The following ST8SIA6 variants were observed in gnomAD, a reference collection of about 807,000 sequenced individuals.
ST8SIA6 encodes alpha-2,8-sialyltransferase 8F.
A neutral mutation model predicts 33.6 loss-of-function variants in ST8SIA6; 39 were observed. The observed-to-expected ratio is 1.16, with a 90% CI of 0.90 to 1.52. ST8SIA6 has a LOEUF of 1.52. Among genes scored for constraint, ST8SIA6 ranks in the 40% most tolerant of loss-of-function variants. The pLI, the probability that ST8SIA6 is intolerant of heterozygous loss-of-function variation, is 0.00. For synonymous variants in ST8SIA6, 172 were observed against 167.2 expected, an observed-to-expected ratio of 1.03 and a Z score of -0.22; for missense variants, 441 against 443.8, an observed-to-expected ratio of 0.99 and a Z score of 0.06.
intron 4 of ST8SIA6, among the ~76,000 whole-genome samples, chr10:17,337,162 G>A (rs866851406): frequency 8.2e-6 from 1 of 121,494 alleles, no homozygotes; most frequent in East Asian, 1.9e-4. Context: ...CTCTTCCTCC[G>A]GCCGTTTAAG....
At chr10:17,408,778 G>A (rs1358551353) in intron 2 of ST8SIA6, among the ~76,000 whole-genome samples, 10 of 151,504 alleles carry the variant, frequency 6.6e-5, no homozygotes, top group Middle Eastern at 3.2e-3. Flanking sequence ...TTTTTGAGAC[G>A]GAGTTTCGCT....
At position 17,315,436 on chromosome 10, in the gene ST8SIA6, C is replaced by T. The variant is rs887117265; in HGVS notation, c.*5442G>A. On this transcript the variant is annotated 3_prime_UTR_variant, in exon 8 of 8. Transcript: ENST00000377602. ...GACTTGCACATTAATGTTCATGATA[C>T]CTTTATTTGTAATAGCCAAAACCAG... Among the ~76,000 whole-genome samples the T allele has an allele frequency of 1.3e-5, 2 of 151,888 alleles. No individual in the cohort carries two copies. The highest frequency in any genetic ancestry group is 6.6e-5 in the Admixed American group (1 of 15,230).
chr10:17,452,668 G>A (rs1852956866), intron 2 of ST8SIA6, among the ~76,000 whole-genome samples: 1 of 152,030 alleles, frequency 6.6e-6, no homozygotes, highest in Non-Finnish European at 1.5e-5. Flanking sequence ...ATTACTGATG[G>A]CAAACAAAAT....
chr10:17,331,618 G>T (rs2120716), intron 4 of ST8SIA6, 66 bp from the exon 5 acceptor site: 55 of 1,493,564 alleles, frequency 3.7e-5, no homozygotes, highest in Middle Eastern at 1.7e-4. Context: ...TGCAGACCAC[G>T]ATGGACAATG....
At chr10:17,428,709 T>A (rs1441826012) in intron 2 of ST8SIA6, among the ~76,000 whole-genome samples, 1 of 151,954 alleles carries the variant, frequency 6.6e-6, no homozygotes, top group Non-Finnish European at 1.5e-5. Context: ...TGTGTCTGAA[T>A]TGATAGAAAA....
Position 17,327,125 on chromosome 10 carries a change from G to A in ST8SIA6, c.524C>T (p.Ser175Phe). The change falls in exon 6 of 8, where the codon TCC becomes TTC. Residue 175 changes from serine (S) to phenylalanine (F), a missense_variant and splice_region_variant. Ser to Phe is a radical substitution (Grantham distance 155). Transcript: ENST00000377602. Reference sequence around the variant, plus strand: ...ATAAGGGTAGTCCACAAAAGGCTGGGACTAGCAGGAGAAAGTGGAAAACTA... The same window carrying A: ...ATAAGGGTAGTCCACAAAAGGCTGGAACTAGCAGGAGAAAGTGGAAAACTA... ...KKNIFHMFPV[S>F]QPFVDYPYNQ... is the part of the protein sequence containing the mutation. The A allele has an allele frequency of 6.3e-7, 1 of 1,592,418 alleles. No individual in the cohort carries two copies. Among genetic ancestry groups the A allele is most frequent in the Non-Finnish European group, 8.5e-7 (1 of 1,171,926 alleles).
intron 4 of ST8SIA6, among the ~76,000 whole-genome samples, chr10:17,344,813 A>G (rs1340279870): frequency 6.6e-6 from 1 of 152,184 alleles, no homozygotes; most frequent in Admixed American, 6.5e-5. Flanking sequence ...GCAGGTTGGA[A>G]ACTGGAGTGC....
In ST8SIA6 at chr10:17,323,130, A is replaced by C; in HGVS notation, c.663T>G (p.Asp221Glu). 6.2e-7 allele frequency: 1 copy of C among 1,613,790 alleles called. No individual in the cohort carries two copies. ...TTTTACTGCCAACATCTTTACTAAC[A>C]TCTCCTGTGGTTGGGGGTAGGTTAC... ...FRCNLPPTTG[D>E]VSKDVGSKTN... The change falls in exon 7 of 8, where the codon GAT (aspartate) becomes GAG (glutamate). Residue 221 changes from aspartate to glutamate, a missense_variant. Coordinates refer to ENST00000377602, the MANE Select transcript of ST8SIA6 (RefSeq NM_001004470.3).
intron 4 of ST8SIA6, among the ~76,000 whole-genome samples, chr10:17,359,255 A>G (rs1849303693): frequency 6.6e-6 from 1 of 152,224 alleles, no homozygotes; most frequent in Admixed American, 6.5e-5. Context: ...CTTCTAAAAT[A>G]TAACTTACAA....
At chr10:17,401,489 A>G (rs1162687920) in intron 2 of ST8SIA6, among the ~76,000 whole-genome samples, 1 of 152,228 alleles carries the variant, frequency 6.6e-6, no homozygotes, top group Non-Finnish European at 1.5e-5. Context: ...CCTAAGCCAA[A>G]AGAACAAAGC....
intron 3 of ST8SIA6, among the ~76,000 whole-genome samples, chr10:17,381,817 A>G (rs1337689914): frequency 2.0e-5 from 3 of 152,254 alleles, no homozygotes; most frequent in African/African-American, 7.2e-5. Context: ...CAAATTTAGT[A>G]AGATTATCAT....
chr10:17,447,789 A>G lies in ST8SIA6; in HGVS notation c.200+5770T>C, dbSNP rs558872895. Among the ~76,000 whole-genome samples the G allele has an allele frequency of 2.0e-5, 3 of 152,274 alleles. No individual in the cohort carries two copies. The South Asian group carries it at 6.2e-4, about 32-fold the overall frequency. On this transcript the variant is annotated intron_variant, in intron 2 of 7. Transcript: ENST00000377602. ...TGCCACATGACCCCAAAAACTATGT[A>G]GATTAATTTAACTAATATTAAAATT...
At chr10:17,351,566 T>A (rs1013383066) in intron 4 of ST8SIA6, among the ~76,000 whole-genome samples, 2 of 147,942 alleles carry the variant, frequency 1.4e-5, no homozygotes, top group African/African-American at 2.5e-5. Context: ...CCAAAGGAAA[T>A]GAAATCAATA....
chr10:17,332,615 C>T (rs1273122367), intron 4 of ST8SIA6, among the ~76,000 whole-genome samples: 1 of 152,022 alleles, frequency 6.6e-6, no homozygotes, highest in Non-Finnish European at 1.5e-5. Flanking sequence ...CAAGTGTGCA[C>T]CACCTATGCC....
chr10:17,323,132 C>T lies in ST8SIA6; in HGVS notation c.661G>A (p.Asp221Asn), dbSNP rs772637031. 5 of 1,613,574 alleles carry T rather than the reference C, an allele frequency of 3.1e-6. No individual in the cohort carries two copies. The African/African-American group carries it at 6.7e-5, about 22-fold the overall frequency. ...TTACTGCCAACATCTTTACTAACATCTCCTGTGGTTGGGGGTAGGTTACAC... is the reference window on the plus strand; with the variant it reads ...TTACTGCCAACATCTTTACTAACATTTCCTGTGGTTGGGGGTAGGTTACAC... The part of the protein sequence containing the change: ...FRCNLPPTTG[D>N]VSKDVGSKTN... Residue 221 changes from aspartate (D) to asparagine (N), a missense_variant, in exon 7 of 8, where the codon GAT becomes AAT. Asp to Asn is a conservative substitution (Grantham distance 23). Coordinates refer to ENST00000377602, the MANE Select transcript of ST8SIA6 (RefSeq NM_001004470.3).
chr10:17,388,995 A>G (rs1850481949), intron 3 of ST8SIA6, among the ~76,000 whole-genome samples: 1 of 152,092 alleles, frequency 6.6e-6, no homozygotes, highest in Non-Finnish European at 1.5e-5. Context: ...TCAGTACTTG[A>G]GATATTTTTC....
chr10:17,394,750 A>G (rs1253066276), intron 2 of ST8SIA6, among the ~76,000 whole-genome samples: 1 of 152,184 alleles, frequency 6.6e-6, no homozygotes, highest in Non-Finnish European at 1.5e-5. Context: ...GATCCCATCT[A>G]AGAGGTTGGG....
intron 2 of ST8SIA6, among the ~76,000 whole-genome samples, chr10:17,401,437 G>A (rs966484371): frequency 6.6e-6 from 1 of 152,148 alleles, no homozygotes; most frequent in Admixed American, 6.6e-5. Flanking sequence ...CTACTTTAAA[G>A]TTCATATGGA....
intron 2 of ST8SIA6, among the ~76,000 whole-genome samples, chr10:17,413,774 A>G (rs983664472): frequency 6.6e-6 from 1 of 152,242 alleles, no homozygotes; most frequent in South Asian, 2.1e-4. Context: ...AGAATGGCCT[A>G]AAGAAATCAA....
Sources: gnomAD v4.1 joint callset for allele counts (sites outside exome capture counted in the v4.1 genomes callset) on GRCh38, gnomAD v4.1.1 for gene constraint, MANE v1.5 for transcripts, NCBI Gene and HGNC (gene_info 2026-07-23, HGNC 2026-07-21) for gene names.